PXDNL: variants seen among roughly 807,000 people sequenced by gnomAD.
PXDNL encodes the protein peroxidasin like, also known as probable oxidoreductase PXDNL.
In PXDNL, 145 loss-of-function variants were observed where a neutral mutation model predicts 150.8. The ratio of observed to expected loss-of-function variants is 0.96; its 90% CI spans 0.84 to 1.10. The LOEUF (loss-of-function observed/expected upper bound fraction) is 1.10, where lower values mean the gene tolerates loss of function less well. Ranked by LOEUF, PXDNL falls within the 50% of genes least tolerant of loss-of-function variation. The probability of loss-of-function intolerance (pLI) is 0.00; values close to 1 mark genes in which losing one functional copy is unlikely to be tolerated. For synonymous variants in PXDNL, 757 were observed against 725.7 expected, an observed-to-expected ratio of 1.04 and a Z score of -0.69; for missense variants, 2,087 against 1,873.9, an observed-to-expected ratio of 1.11 and a Z score of -2.10.
At chr8:51,544,533 C>G (rs1468847402) in intron 4 of PXDNL, among the ~76,000 whole-genome samples, 1 of 152,070 alleles carries the variant, frequency 6.6e-6, no homozygotes, top group Non-Finnish European at 1.5e-5. Context: ...CCTGATGTAG[C>G]CAACACATAG....
Position 51,626,071 on chromosome 8 carries a change from T to C in PXDNL, c.236+28618A>G, listed in dbSNP as rs563885750. Among the ~76,000 whole-genome samples the C allele has an allele frequency of 3.3e-5, 5 of 152,342 alleles. No homozygotes were observed. In the South Asian group the frequency reaches 8.3e-4, roughly 25 times the overall value. The stretch of plus-strand genomic sequence containing the variant: ...AATGTAATTTTAGAACCTAATTTTA[T>C]TGGTATGCTAAAAATGTGCTAATCA... On this transcript the variant is annotated intron_variant, in intron 2 of 22. Coordinates refer to ENST00000356297, the MANE Select transcript of PXDNL (RefSeq NM_144651.5).
At chr8:51,518,979 C>T (rs1327318988) in intron 4 of PXDNL, among the ~76,000 whole-genome samples, 1 of 152,086 alleles carries the variant, frequency 6.6e-6, no homozygotes, top group Non-Finnish European at 1.5e-5. Context: ...TAAACAAGGA[C>T]TCCAGGATTT....
chr8:51,534,455 C>T lies in PXDNL; in HGVS notation c.380+22385G>A, dbSNP rs746132175. 2.5e-3 allele frequency among the ~76,000 whole-genome samples: 263 copies of T among 106,156 alleles called. 2 individuals carry two copies. Among genetic ancestry groups the T allele is most frequent in the Admixed American group, 3.5e-3 (41 of 11,612 alleles). 69.6% of individuals were successfully genotyped at this position (106,156 alleles called of 152,430 possible). On this transcript the variant is annotated intron_variant, in intron 4 of 22. Coordinates refer to ENST00000356297, the MANE Select transcript of PXDNL (RefSeq NM_144651.5). ...GGAAGTGAGGAGCCCCTCTGCCCGG[C>T]CAGCCGCCCCGTCCGGGAGGGAGGT...
At chr8:51,765,929 C>T (rs890992956) in intron 1 of PXDNL, among the ~76,000 whole-genome samples, 1 of 151,772 alleles carries the variant, frequency 6.6e-6, no homozygotes, top group Non-Finnish European at 1.5e-5. Context: ...CTGCAAGCTC[C>T]GCCTCCCGGG....
At chr8:51,746,217 A>G (rs1236991503) in intron 1 of PXDNL, among the ~76,000 whole-genome samples, 1 of 152,200 alleles carries the variant, frequency 6.6e-6, no homozygotes, top group African/African-American at 2.4e-5. Context: ...GACAATGCCA[A>G]AATGCACCTG....
intron 20 of PXDNL, among the ~76,000 whole-genome samples, chr8:51,344,030 G>A (rs1421227378): frequency 2.0e-5 from 3 of 152,106 alleles, no homozygotes; most frequent in African/African-American, 7.2e-5. Flanking sequence ...CTTTCAGAAT[G>A]TTCTGGAAGA....
intron 19 of PXDNL, among the ~76,000 whole-genome samples, chr8:51,368,038 G>A (rs1022003272): frequency 6.6e-6 from 1 of 152,170 alleles, no homozygotes; most frequent in African/African-American, 2.4e-5. Context: ...TGAGGCAGGA[G>A]AATCATTTGA....
At chr8:51,635,260 G>A (rs1814583517) in intron 2 of PXDNL, among the ~76,000 whole-genome samples, 1 of 152,016 alleles carries the variant, frequency 6.6e-6, no homozygotes, top group South Asian at 2.1e-4. Context: ...AACTGTAAAG[G>A]CCTACATTTT....
chr8:51,577,959 GA>G, intron 3 of PXDNL, among the ~76,000 whole-genome samples: 2 of 85,758 alleles, frequency 2.3e-5, no homozygotes, highest in African/African-American at 4.6e-5. Context: ...AAGAAAGAAA[GA>G]AAGAAAGAAA....
chr8:51,384,571 T>C (rs1586057393), intron 17 of PXDNL, among the ~76,000 whole-genome samples: 1 of 152,072 alleles, frequency 6.6e-6, no homozygotes, highest in East Asian at 1.9e-4. Flanking sequence ...TTAAAAAGTA[T>C]GCATTTTAGA....
At chr8:51,622,606 G>GAT (rs1023182124) in intron 2 of PXDNL, among the ~76,000 whole-genome samples, 62 of 152,288 alleles carry the variant, frequency 4.1e-4, no homozygotes, top group Middle Eastern at 3.4e-3. Flanking sequence ...GTGACTGCGT[G>GAT]ATAACATAAT....
rs536694516 is a variant in PXDNL at position 51,740,676 on chromosome 8, TG to T, written c.164+68504del. Among the ~76,000 whole-genome samples the T allele has an allele frequency of 6.0e-4, 92 of 152,226 alleles. 1 individual carries two copies. Among genetic ancestry groups the T allele is most frequent in the Admixed American group, 1.4e-3 (22 of 15,296 alleles). On this transcript the variant is annotated intron_variant, in intron 1 of 22. Coordinates refer to ENST00000356297, the MANE Select transcript of PXDNL (RefSeq NM_144651.5). ...TCCTTTGCCCACTTTTTAATGGGGT[TG>T]TTTTTTTTTCTTGTAATTTTGTTTA...
At chr8:51,577,185 T>C in intron 3 of PXDNL, among the ~76,000 whole-genome samples, 1 of 151,692 alleles carries the variant, frequency 6.6e-6, no homozygotes, top group East Asian at 1.9e-4. Context: ...ACCTGAGAGA[T>C]AGTAAGAAAA....
intron 5 of PXDNL, among the ~76,000 whole-genome samples, chr8:51,485,427 C>A (rs1810707283): frequency 6.6e-6 from 1 of 152,148 alleles, no homozygotes; most frequent in African/African-American, 2.4e-5. Flanking sequence ...CCAACTAGTC[C>A]TGACTTTCGG....
chr8:51,353,430 TACCCA>T (rs373639683), intron 19 of PXDNL, among the ~76,000 whole-genome samples: 1 of 151,980 alleles, frequency 6.6e-6, no homozygotes, highest in South Asian at 2.1e-4. Context: ...TTACCTCTGT[TACCCA>T]TAAATTTTGA....
chr8:51,696,825 A>ATATACACATACACAGTTC (rs1816151603), intron 1 of PXDNL, among the ~76,000 whole-genome samples: 1 of 148,728 alleles, frequency 6.7e-6, no homozygotes, highest in Non-Finnish European at 1.5e-5. Flanking sequence ...ACACACACAC[A>ATATACACATACACAGTTC]CACACACACA....
At chr8:51,543,873 A>G (rs1311643215) in intron 4 of PXDNL, among the ~76,000 whole-genome samples, 1 of 152,220 alleles carries the variant, frequency 6.6e-6, no homozygotes, top group Non-Finnish European at 1.5e-5. Flanking sequence ...AGAAAAATTT[A>G]TTGGCAAGGA....
chr8:51,619,029 G>A (rs1243382049), intron 2 of PXDNL, among the ~76,000 whole-genome samples: 1 of 152,142 alleles, frequency 6.6e-6, no homozygotes, highest in Non-Finnish European at 1.5e-5. Context: ...ATAGGATTCA[G>A]AAAATGATAC....
chr8:51,453,834 A>G (rs1431071553), intron 9 of PXDNL, 49 bp from the exon 10 acceptor site: 1 of 1,589,974 alleles, frequency 6.3e-7, no homozygotes, highest in African/African-American at 1.3e-5. Flanking sequence ...AGCAGTTAGG[A>G]AGATTTATTT....
Sources: gnomAD v4.1 joint callset for allele counts (sites outside exome capture counted in the v4.1 genomes callset) on GRCh38, gnomAD v4.1.1 for gene constraint, MANE v1.5 for transcripts, NCBI Gene and HGNC (gene_info 2026-07-23, HGNC 2026-07-21) for gene names.